The following PRKCH variants were observed in gnomAD, a reference collection of about 807,000 sequenced individuals.
PRKCH encodes protein kinase C eta type.
Under a neutral mutation model 82.5 loss-of-function variants are expected in PRKCH, and 28 were observed. The ratio of observed to expected loss-of-function variants is 0.34; its 90% CI spans 0.25 to 0.47. PRKCH has a LOEUF of 0.47. Among genes scored for constraint, PRKCH ranks in the 20% least tolerant of loss-of-function variants. The pLI is 1.00. For missense variants in PRKCH, 705 were observed against 881.8 expected (o/e 0.80, Z 2.54); for synonymous variants, 322 against 327.4 (o/e 0.98, Z 0.18).
Position 61,466,887 on chromosome 14 carries a change from C to T in PRKCH, c.1278+9208C>T, listed in dbSNP as rs867010407. 1.1e-4 allele frequency among the ~76,000 whole-genome samples: 16 copies of T among 152,130 alleles called. No homozygotes were observed. In the East Asian group the frequency reaches 1.9e-3, roughly 18 times the overall value. ...CATAGCTTTCCGTAAGAAACCACTT[C>T]TCAAATGGCCAACAAAGTTGAAATC... is the stretch of plus-strand genomic sequence containing the variant. On this transcript the variant is annotated intron_variant, in intron 9 of 13. Transcript: ENST00000332981.
chr14:61,247,533 C>T (rs1010293228), intron 1 of PRKCH, among the ~76,000 whole-genome samples: 19 of 151,542 alleles, frequency 1.3e-4, no homozygotes, highest in Non-Finnish European at 2.5e-4. Flanking sequence ...GTCAGGAGTT[C>T]GAGACCAGCC....
intron 1 of PRKCH, among the ~76,000 whole-genome samples, chr14:61,202,480 T>C (rs1055071240): frequency 4.6e-5 from 7 of 152,190 alleles, no homozygotes; most frequent in African/African-American, 1.7e-4. Context: ...CCTGTACATA[T>C]ATAGATGCAT....
intron 10 of PRKCH, among the ~76,000 whole-genome samples, chr14:61,486,661 T>C (rs1886238531): frequency 6.6e-6 from 1 of 151,064 alleles, no homozygotes; most frequent in Admixed American, 6.7e-5. Flanking sequence ...TTTTATTGTT[T>C]TATTTCTTTT....
intron 2 of PRKCH, among the ~76,000 whole-genome samples, chr14:61,439,399 C>G (rs1177342818): frequency 6.6e-6 from 1 of 152,024 alleles, no homozygotes; most frequent in Non-Finnish European, 1.5e-5. Context: ...TTTATGTGAC[C>G]AAATGTCTTG....
chr14:61,223,417 A>G (rs1044473113), intron 1 of PRKCH, among the ~76,000 whole-genome samples: 1 of 152,188 alleles, frequency 6.6e-6, no homozygotes, highest in South Asian at 2.1e-4. Context: ...TTCTAGGTAG[A>G]CTAAAGTGTC....
intron 1 of PRKCH, among the ~76,000 whole-genome samples, chr14:61,360,501 T>C (rs1054176185): frequency 2.7e-5 from 4 of 150,492 alleles, no homozygotes; most frequent in Non-Finnish European, 4.4e-5. Flanking sequence ...TGAGACTCCA[T>C]CTCAAAAAAA....
At chr14:61,428,076 T>TAGATAGATAG (rs377250538) in intron 2 of PRKCH, among the ~76,000 whole-genome samples, 183 of 126,252 alleles carry the variant, frequency 1.4e-3, no homozygotes, top group African/African-American at 4.6e-3. Context: ...GATAGATAGA[T>TAGATAGATAG]ACACACACAC....
intron 1 of PRKCH, chr14:61,278,556 TTGAG>T (rs2045224715): frequency 6.6e-6 from 1 of 152,210 alleles, no homozygotes; most frequent in South Asian, 2.1e-4. Context: ...TTGCACTGCC[TTGAG>T]TGAGTATAAT....
chr14:61,401,994 G>A (rs1358341259), intron 2 of PRKCH, among the ~76,000 whole-genome samples: 1 of 152,240 alleles, frequency 6.6e-6, no homozygotes, highest in African/African-American at 2.4e-5. Flanking sequence ...AGTATTTGGT[G>A]CCAGTGATAA....
intron 10 of PRKCH, among the ~76,000 whole-genome samples, chr14:61,503,123 C>G (rs1156776973): frequency 6.7e-6 from 1 of 148,458 alleles, no homozygotes; most frequent in Admixed American, 6.9e-5. Flanking sequence ...AACCCAAAAT[C>G]TGATTACTGT....
At chr14:61,416,638 C>G (rs1191856939) in intron 2 of PRKCH, among the ~76,000 whole-genome samples, 1 of 152,058 alleles carries the variant, frequency 6.6e-6, no homozygotes, top group Non-Finnish European at 1.5e-5. Flanking sequence ...CTTCCCAGCT[C>G]TCCCTCCTCT....
At chr14:61,415,841 T>C (rs1594681233) in intron 2 of PRKCH, among the ~76,000 whole-genome samples, 1 of 152,086 alleles carries the variant, frequency 6.6e-6, no homozygotes, top group East Asian at 1.9e-4. Context: ...TAATTCTCCA[T>C]TCCCTCTCCC....
At chr14:61,488,502 C>G (rs6573394) in intron 10 of PRKCH, among the ~76,000 whole-genome samples, 26,052 of 152,144 alleles carry the variant, frequency 0.17, 2,376 homozygotes, top group African/African-American at 0.23. Context: ...GTAGTGAAGT[C>G]AGAATTCAAA....
intron 1 of PRKCH, among the ~76,000 whole-genome samples, chr14:61,275,639 C>T (rs2045195118): frequency 6.6e-6 from 1 of 152,186 alleles, no homozygotes; most frequent in Admixed American, 6.5e-5. Flanking sequence ...TTTCTCAAAG[C>T]CCTTGTCATC....
At chr14:61,320,972 C>G (rs1053662851), upstream of PRKCH, among the ~76,000 whole-genome samples, 1 of 152,220 alleles carries the variant, frequency 6.6e-6, no homozygotes, top group African/African-American at 2.4e-5. Context: ...CTTTCCTGCT[C>G]TATGTGCAAC....
intron 1 of PRKCH, among the ~76,000 whole-genome samples, chr14:61,300,794 G>T (rs1433125048): frequency 1.3e-5 from 2 of 152,154 alleles, no homozygotes; most frequent in African/African-American, 4.8e-5. Context: ...GGCTACCTGG[G>T]GGCTAGGCAT....
At chr14:61,480,827 A>G (rs1436656281) in intron 9 of PRKCH, among the ~76,000 whole-genome samples, 1 of 151,900 alleles carries the variant, frequency 6.6e-6, no homozygotes, top group African/African-American at 2.4e-5. Context: ...ACACTCACCC[A>G]CTCCAGCGCT....
chr14:61,336,060 T>C (rs775917188), intron 1 of PRKCH, among the ~76,000 whole-genome samples: 7 of 151,790 alleles, frequency 4.6e-5, no homozygotes, highest in South Asian at 4.2e-4. Context: ...TGAGGACTTA[T>C]GTAAACCATC....
chr14:61,518,888 G>A (rs997608572), intron 10 of PRKCH, among the ~76,000 whole-genome samples: 4 of 152,060 alleles, frequency 2.6e-5, no homozygotes, highest in African/African-American at 9.7e-5. Flanking sequence ...TCATAGCTCA[G>A]TGTAGCCTCC....
Sources: allele counts gnomAD v4.1 joint callset (sites outside exome capture counted in the v4.1 genomes callset), GRCh38; gene constraint gnomAD v4.1.1; transcripts MANE v1.5; gene names NCBI Gene and HGNC (gene_info 2026-07-23, HGNC 2026-07-21).